Variants in SDC3 observed in about 807,000 individuals in gnomAD.
SDC3 encodes the protein syndecan 3.
In SDC3, 13 loss-of-function variants were observed where a neutral mutation model predicts 24.4. The ratio of observed to expected loss-of-function variants is 0.53; its 90% CI spans 0.35 to 0.85. SDC3 has a LOEUF of 0.85. Ranked by LOEUF, SDC3 falls within the 40% of genes least tolerant of loss-of-function variation. The pLI is 0.01. For synonymous variants in SDC3, 295 were observed against 260.9 expected (o/e 1.13, Z -1.26); for missense variants, 571 against 584.5 (o/e 0.98, Z 0.24).
At chr1:30,900,116 A>G (rs1638383831) in intron 1 of SDC3, among the ~76,000 whole-genome samples, 1 of 152,172 alleles carries the variant, frequency 6.6e-6, no homozygotes, top group Admixed American at 6.5e-5. Context: ...CCCAGGCTCC[A>G]GGCTCAGAGT....
intron 1 of SDC3, among the ~76,000 whole-genome samples, chr1:30,908,238 A>G (rs1413554614): frequency 7.2e-6 from 1 of 139,750 alleles, no homozygotes. Flanking sequence ...CGCGGATGCC[A>G]GCTAGGGGGA....
At chr1:30,902,441 A>C (rs1034585769) in intron 1 of SDC3, among the ~76,000 whole-genome samples, 9 of 152,200 alleles carry the variant, frequency 5.9e-5, no homozygotes, top group African/African-American at 2.2e-4. Flanking sequence ...GCTGGGAGCC[A>C]AGGGGAGTGA....
chr1:30,891,260 G>A (rs1375977132), intron 1 of SDC3, among the ~76,000 whole-genome samples: 1 of 152,182 alleles, frequency 6.6e-6, no homozygotes, highest in Non-Finnish European at 1.5e-5. Flanking sequence ...GCTGTCTAGG[G>A]CAACCCTGAG....
At chr1:30,902,699 G>A (rs1192799460) in intron 1 of SDC3, among the ~76,000 whole-genome samples, 2 of 152,330 alleles carry the variant, frequency 1.3e-5, no homozygotes, top group African/African-American at 4.8e-5. Context: ...CAGCTGGGCT[G>A]TAGTCCAGAG....
rs747930134 is a variant in SDC3 at position 30,873,109 on chromosome 1, G to A, written c.*102C>T. 611 of 826,976 alleles carry A rather than the reference G, an allele frequency of 7.4e-4. 2 individuals carry two copies. The highest frequency in any genetic ancestry group is 1.6e-3 in the Admixed American group (78 of 49,588). The allele number at this position is 826,976 out of a possible 1,614,324, so 51.2% of individuals were successfully genotyped here. The stretch of plus-strand genomic sequence containing the variant: ...TGGGAGAGAGGGCAGAGAAGAACTG[G>A]GGCCAGGTTCCAGGCCCAGTCCCAG... On this transcript the variant is annotated 3_prime_UTR_variant, in exon 5 of 5. Coordinates refer to ENST00000339394, the MANE Select transcript of SDC3 (RefSeq NM_014654.4).
At chr1:30,907,866 G>A (rs1229137817) in intron 1 of SDC3, among the ~76,000 whole-genome samples, 1 of 152,076 alleles carries the variant, frequency 6.6e-6, no homozygotes, top group African/African-American at 2.4e-5. Context: ...CGGCTGCCGC[G>A]ACCCTGGGAA....
chr1:30,874,391 C>G lies in SDC3; in HGVS notation c.1068G>C (p.Pro356=), dbSNP rs149952786. Residue 356 remains proline (P), a synonymous_variant, in exon 4 of 5, where the codon CCG becomes CCC. Coordinates refer to ENST00000339394, the MANE Select transcript of SDC3 (RefSeq NM_014654.4). ...TGGCATTGTCCAGGAGGCCAGGGCC[C>G]GGGCGGGCACCCTTGGGCAGTGTCC... The part of the protein sequence containing the change: ...PPGTLPKGAR[P]GPGLLDNAID... The G allele has an allele frequency of 1.2e-6, 2 of 1,614,052 alleles. No homozygotes were observed. The highest frequency in any genetic ancestry group is 1.7e-6 in the Non-Finnish European group (2 of 1,179,974).
At chr1:30,875,511 A>G (rs1639623217) in intron 3 of SDC3, among the ~76,000 whole-genome samples, 1 of 152,160 alleles carries the variant, frequency 6.6e-6, no homozygotes, top group Admixed American at 6.5e-5. Context: ...AGGCAGCGCC[A>G]CGGCCCAAGG....
chr1:30,902,387 G>T (rs1176484555), intron 1 of SDC3, among the ~76,000 whole-genome samples: 1 of 152,206 alleles, frequency 6.6e-6, no homozygotes, highest in African/African-American at 2.4e-5. Flanking sequence ...TGGCGGGAGG[G>T]GGGCCGGAAG....
intron 1 of SDC3, among the ~76,000 whole-genome samples, chr1:30,907,010 G>A (rs530219533): frequency 6.6e-6 from 1 of 152,184 alleles, no homozygotes; most frequent in Non-Finnish European, 1.5e-5. Context: ...AGATGGGGAA[G>A]GCTGAGGAGG....
chr1:30,882,749 C>T (rs766967369), intron 1 of SDC3, among the ~76,000 whole-genome samples: 13 of 152,206 alleles, frequency 8.5e-5, no homozygotes, highest in Non-Finnish European at 1.8e-4. Flanking sequence ...AATTTGGGGT[C>T]TCTCGTGCCC....
intron 1 of SDC3, among the ~76,000 whole-genome samples, chr1:30,905,960 G>GAC (rs140209147): frequency 0.099 from 14,624 of 147,418 alleles, 836 homozygotes; most frequent in East Asian, 0.26. Flanking sequence ...AAGACACGAA[G>GAC]ACACACACAC....
chr1:30,886,328 C>T (rs1038489317), intron 1 of SDC3, among the ~76,000 whole-genome samples: 4 of 152,124 alleles, frequency 2.6e-5, no homozygotes, highest in African/African-American at 9.7e-5. Context: ...AAAGCTGGCT[C>T]AGCTCACACA....
At chr1:30,892,472 TA>T (rs972305021) in intron 1 of SDC3, among the ~76,000 whole-genome samples, 2 of 152,038 alleles carry the variant, frequency 1.3e-5, no homozygotes, top group African/African-American at 4.8e-5. Context: ...TGAATGATCC[TA>T]AAACAGTCTA....
At chr1:30,877,301 A>G in intron 2 of SDC3, 136 bp from the exon 3 acceptor site, 1 of 1,180,462 alleles carries the variant, frequency 8.5e-7, no homozygotes, top group South Asian at 1.4e-5. Context: ...AGAAAAGATG[A>G]GAGAAAGGAG....
intron 1 of SDC3, among the ~76,000 whole-genome samples, chr1:30,892,565 T>G (rs1186455027): frequency 4.4e-4 from 67 of 152,200 alleles, no homozygotes; most frequent in Admixed American, 4.4e-3. Context: ...AAAGTTGGAC[T>G]TCAGGCAAGT....
chr1:30,874,674 A>G (rs1639608989), intron 3 of SDC3, 86 bp from the exon 4 acceptor site: 2 of 1,226,134 alleles, frequency 1.6e-6, no homozygotes, highest in Admixed American at 3.7e-5. Context: ...GGGGGCTAAC[A>G]CTTAGCACTC....
intron 1 of SDC3, among the ~76,000 whole-genome samples, chr1:30,891,766 T>G (rs1220631798): frequency 2.0e-5 from 3 of 149,592 alleles, no homozygotes; most frequent in Non-Finnish European, 4.4e-5. Context: ...GGCAGGAGGA[T>G]GGCTTGAACC....
chr1:30,882,836 A>C (rs1216052278), intron 1 of SDC3, among the ~76,000 whole-genome samples: 1 of 152,138 alleles, frequency 6.6e-6, no homozygotes, highest in African/African-American at 2.4e-5. Context: ...GCTCCTCTTT[A>C]CTACCCGGTT....
Sources: gnomAD v4.1 joint callset for allele counts (sites outside exome capture counted in the v4.1 genomes callset) on GRCh38, gnomAD v4.1.1 for gene constraint, MANE v1.5 for transcripts, NCBI Gene and HGNC (gene_info 2026-07-23, HGNC 2026-07-21) for gene names.